DNAJC2: variants seen among roughly 807,000 people sequenced by gnomAD.
DNAJC2 encodes the protein DnaJ heat shock protein family (Hsp40) member C2, also known as dnaJ homolog subfamily C member 2.
In DNAJC2, 32 loss-of-function variants were observed where a neutral mutation model predicts 94.0. The ratio of observed to expected loss-of-function variants is 0.34; its 90% CI spans 0.26 to 0.46. DNAJC2 has a LOEUF of 0.46. Ranked by LOEUF, DNAJC2 falls within the 20% of genes least tolerant of loss-of-function variation. The pLI is 1.00. For missense variants in DNAJC2, 550 were observed against 719.5 expected (o/e 0.76, Z 2.69); for synonymous variants, 210 against 229.7 (o/e 0.91, Z 0.77).
Position 103,312,356 on chromosome 7 carries a change from G to A in DNAJC2, c.*213C>T. The A allele has an allele frequency of 6.4e-7, 1 of 1,567,534 alleles. No homozygotes were observed. Among genetic ancestry groups the A allele is most frequent in the Non-Finnish European group, 8.6e-7 (1 of 1,165,130 alleles). ...TAAAAATGAACATGTATATACATTT[G>A]GAAATTTGAATTAAATACTGTATCA... On this transcript the variant is annotated 3_prime_UTR_variant, in exon 17 of 17. Transcript: ENST00000379263.
chr7:103,313,113 A>C lies in DNAJC2; in HGVS notation c.1637-12T>G. 5 of 1,593,092 alleles carry C rather than the reference A, an allele frequency of 3.1e-6. No individual in the cohort carries two copies. The highest frequency in any genetic ancestry group is 4.3e-6 in the Non-Finnish European group (5 of 1,173,430). On this transcript the variant is annotated splice_polypyrimidine_tract_variant and intron_variant, in intron 15 of 16. Coordinates refer to ENST00000379263, the MANE Select transcript of DNAJC2 (RefSeq NM_014377.3). ...GTCTGTATATGGACCTGATTAAGAA[A>C]AATTTTTATTTGAAAACTGTCTTTG...
intron 4 of DNAJC2, among the ~76,000 whole-genome samples, chr7:103,326,935 G>A (rs1818738207): frequency 6.6e-6 from 1 of 152,056 alleles, no homozygotes; most frequent in African/African-American, 2.4e-5. Flanking sequence ...CCCCTCAAGA[G>A]AAAAGATGAC....
chr7:103,344,160 T>G, intron 1 of DNAJC2: 1 of 203,428 alleles, frequency 4.9e-6, no homozygotes, highest in Non-Finnish European at 9.9e-6. Context: ...GAGAAAGTTG[T>G]TTAAGAGAGC....
intron 15 of DNAJC2, among the ~76,000 whole-genome samples, chr7:103,315,447 T>C (rs1224581841): frequency 6.6e-6 from 1 of 152,134 alleles, no homozygotes; most frequent in East Asian, 1.9e-4. Flanking sequence ...TACAGTACAT[T>C]TCTCAAAATC....
At chr7:103,339,468 G>C (rs1320197136) in intron 2 of DNAJC2, among the ~76,000 whole-genome samples, 1 of 152,154 alleles carries the variant, frequency 6.6e-6, no homozygotes, top group Non-Finnish European at 1.5e-5. Context: ...AGCTTTGAAA[G>C]AGTACTTTAC....
At chr7:103,321,112 G>T (rs1181003643) in intron 10 of DNAJC2, among the ~76,000 whole-genome samples, 1 of 151,946 alleles carries the variant, frequency 6.6e-6, no homozygotes, top group East Asian at 1.9e-4. Context: ...GCATGAGAAT[G>T]GCTTGAACTT....
In DNAJC2 at chr7:103,321,803, G is replaced by A. The variant is rs188273318; in HGVS notation, c.1083+129C>T. 2.1e-3 allele frequency: 2,035 copies of A among 979,668 alleles called. 3 individuals are homozygous for A. Among genetic ancestry groups the A allele is most frequent in the Non-Finnish European group, 2.6e-3 (1,815 of 689,828 alleles). The allele number at this position is 979,668 out of a possible 1,614,324, so 60.7% of individuals were successfully genotyped here. ...GCGGAAATTGCGGTGAACTGAGATC[G>A]CGCCACTGCACTCCAGCCTGGGCGA... On this transcript the variant is annotated intron_variant, in intron 10 of 16. Transcript: ENST00000379263.
At chr7:103,314,739 A>C (rs1259680055) in intron 15 of DNAJC2, 1 of 712,934 alleles carries the variant, frequency 1.4e-6, no homozygotes, top group Non-Finnish European at 1.7e-6. Flanking sequence ...CTATATTAAC[A>C]CTGTAAGTCT....
At chr7:103,312,690 A>G (rs772291125) in intron 16 of DNAJC2, 47 bp from the exon 17 acceptor site, 1 of 1,603,932 alleles carries the variant, frequency 6.2e-7, no homozygotes, top group Non-Finnish European at 8.5e-7. Context: ...ATTTAAAAAC[A>G]GACATTTTAA....
At chr7:103,337,569 T>G (rs1819222687) in intron 3 of DNAJC2, 167 bp downstream of exon 3, 2 of 568,918 alleles carry the variant, frequency 3.5e-6, no homozygotes, top group South Asian at 4.5e-5. Flanking sequence ...TTTCTTCTGA[T>G]TCTGAAGGCA....
Position 103,338,485 on chromosome 7 carries a change from C to G in DNAJC2, c.256-674G>C, listed in dbSNP as rs186146531. Among the ~76,000 whole-genome samples the G allele has an allele frequency of 3.8e-3, 570 of 151,242 alleles. 4 individuals are homozygous for G. Among genetic ancestry groups the G allele is most frequent in the African/African-American group, 0.014 (561 of 41,268 alleles). On this transcript the variant is annotated intron_variant, in intron 2 of 16. Coordinates refer to ENST00000379263, the MANE Select transcript of DNAJC2 (RefSeq NM_014377.3). ...CTAATTTGTGTATTTTTAGTAGAGA[C>G]AGGGTTTCACCTTGTTGGTCAGGCT... is the stretch of plus-strand genomic sequence containing the variant.
chr7:103,344,325 C>T, intron 1 of DNAJC2: 2 of 582,110 alleles, frequency 3.4e-6, no homozygotes, highest in South Asian at 4.2e-5. Flanking sequence ...TCAGCAGCGG[C>T]GAGAGGAGGA....
In DNAJC2 at chr7:103,322,011, G is replaced by C; in HGVS notation, c.1004C>G (p.Ala335Gly). Residue 335 changes from alanine to glycine, a missense_variant, in exon 10 of 17, where the codon GCA becomes GGA. By Grantham distance (60) the Ala-to-Gly change is moderately conservative. This residue lies in a region of DNAJC2 where 279 missense variants were observed against 416.9 expected (regional missense o/e 0.67). Transcript: ENST00000379263. Reference sequence around the variant, plus strand: ...ATCTTTTTCCTTCTTTGCCAGCAATGCTTGCTGTCTGACTTCCTCCTCTTC... The same window carrying C: ...ATCTTTTTCCTTCTTTGCCAGCAATCCTTGCTGTCTGACTTCCTCCTCTTC... ...EKEEEEVRQQ[A>G]LLAKKEKDIQ... 6.2e-7 allele frequency: 1 copy of C among 1,613,490 alleles called. No individual in the cohort carries two copies. The highest frequency in any genetic ancestry group is 8.5e-7 in the Non-Finnish European group (1 of 1,179,638).
At chr7:103,340,222 T>C (rs945159473) in intron 2 of DNAJC2, among the ~76,000 whole-genome samples, 2 of 152,214 alleles carry the variant, frequency 1.3e-5, no homozygotes, top group Admixed American at 1.3e-4. Flanking sequence ...TAACAAAGTG[T>C]CTTTTTCTTT....
intron 2 of DNAJC2, among the ~76,000 whole-genome samples, chr7:103,338,727 T>C (rs1819268246): frequency 6.7e-6 from 1 of 150,158 alleles, no homozygotes. Context: ...CTGGCTAACA[T>C]GGTGAAACCC....
chr7:103,325,630 C>T (rs1818665200), intron 5 of DNAJC2, among the ~76,000 whole-genome samples: 1 of 152,188 alleles, frequency 6.6e-6, no homozygotes, highest in African/African-American at 2.4e-5. Context: ...CCAGGTGGAA[C>T]TCAGGCATCA....
At chr7:103,321,748 CT>C (rs1818429723) in intron 10 of DNAJC2, among the ~76,000 whole-genome samples, 183 bp downstream of exon 10, 1 of 152,206 alleles carries the variant, frequency 6.6e-6, no homozygotes, top group Non-Finnish European at 1.5e-5. Flanking sequence ...ACTCGGGAGG[CT>C]GAGGCAGGAG....
chr7:103,316,623 TTC>T (rs562685283), intron 13 of DNAJC2: 1 of 509,160 alleles, frequency 2.0e-6, no homozygotes, highest in Non-Finnish European at 3.4e-6. Context: ...GAAACAAGTA[TTC>T]TGTCATATGT....
rs1018607128 is a variant in DNAJC2 at position 103,316,929 on chromosome 7, G to A, written c.1328C>T (p.Ser443Leu). The stretch of plus-strand genomic sequence containing the variant: ...ACTTCCATTTCCACCTCCACCAGTT[G>A]ATTTCTCTGTGTTCTTAGATGCTTG... Reference protein sequence around the residue: ...MRQASKNTEKSTGGGGNGSKN... With the variant: ...MRQASKNTEKLTGGGGNGSKN... The change falls in exon 13 of 17, where the codon TCA becomes TTA. Residue 443 changes from serine (S) to leucine (L), a missense_variant. By Grantham distance (145) the Ser-to-Leu change is moderately radical. Coordinates refer to ENST00000379263, the MANE Select transcript of DNAJC2 (RefSeq NM_014377.3). 6.2e-7 allele frequency: 1 copy of A among 1,613,938 alleles called. No homozygotes were observed. Among genetic ancestry groups the A allele is most frequent in the Non-Finnish European group, 8.5e-7 (1 of 1,179,928 alleles).
Sources: gnomAD v4.1 joint callset for allele counts (sites outside exome capture counted in the v4.1 genomes callset) on GRCh38, gnomAD v4.1.1 for gene constraint, gnomAD v4.1.1 regional missense constraint, MANE v1.5 for transcripts, NCBI Gene and HGNC (gene_info 2026-07-23, HGNC 2026-07-21) for gene names.